MLYCD: variants seen among roughly 807,000 people sequenced by gnomAD.
The protein encoded by MLYCD is malonyl-CoA decarboxylase.
MLYCD carries 27 observed loss-of-function variants against 35.8 expected under a neutral mutation model. That is an observed-to-expected ratio of 0.75 (90% CI 0.56 to 1.04). The LOEUF is 1.04. MLYCD is among the 50% of genes least tolerant of loss of function. The pLI is 0.00. For synonymous variants in MLYCD, 403 were observed against 302.4 expected, an observed-to-expected ratio of 1.33 and a Z score of -3.45; for missense variants, 917 against 665.1, an observed-to-expected ratio of 1.38 and a Z score of -4.17.
Position 83,919,521 on chromosome 16 carries a change from G to GGCACAGGAGAACACACAGT in MLYCD, c.*4047_*4065dup, listed in dbSNP as rs1003936544. On this transcript the variant is annotated 3_prime_UTR_variant, in exon 5 of 5. Coordinates refer to ENST00000262430, the MANE Select transcript of MLYCD (RefSeq NM_012213.3). ...AACACACAGTGCACAGAACACACAGGGCACAGGAGAACACACAGTGCACAG... is the reference window on the plus strand; with the variant it reads ...AACACACAGTGCACAGAACACACAGGGCACAGGAGAACACACAGTGCACAGGAGAACACACAGTGCACAG... 1 of 136,310 alleles carries GGCACAGGAGAACACACAGT rather than the reference G, an allele frequency of 7.3e-6. No homozygotes were observed. Among genetic ancestry groups the GGCACAGGAGAACACACAGT allele is most frequent in the African/African-American group, 2.8e-5 (1 of 35,344 alleles). 8.4% of individuals were successfully genotyped at this position (136,310 alleles called of 1,614,324 possible).
chr16:83,899,440 ACGGCCAGGTGGCGGAGCAGAGCGC>A lies in MLYCD; in HGVS notation c.301_324del (p.Gln101_Gly108del). 1 of 1,519,054 alleles carries A rather than the reference ACGGCCAGGTGGCGGAGCAGAGCGC, an allele frequency of 6.6e-7. No individual in the cohort carries two copies. Among genetic ancestry groups the A allele is most frequent in the Non-Finnish European group, 8.7e-7 (1 of 1,143,326 alleles). The allele number at this position is 1,519,054 out of a possible 1,614,324, so 94.1% of individuals were successfully genotyped here. A position where few individuals can be genotyped will look rare whatever the true frequency, so the allele number is the denominator to read the frequency against. ...CTGGCGCGGGGCTTCGGCGTGGACC[ACGGCCAGGTGGCGGAGCAGAGCGC>A]CGGCGTGCTCCATCTGCGCCAGCAG... On this transcript the variant is annotated inframe_deletion, in exon 1 of 5. Coordinates refer to ENST00000262430, the MANE Select transcript of MLYCD (RefSeq NM_012213.3).
Position 83,915,308 on chromosome 16 carries a change from A to G in MLYCD, c.1301A>G (p.Asn434Ser), listed in dbSNP as rs778367364. Reference sequence around the variant, plus strand: ...AACGGGGCGGTGCTGTGGCGCATCAACTGGATGGCGGATGTGAGCCTCAGA... The same window carrying G: ...AACGGGGCGGTGCTGTGGCGCATCAGCTGGATGGCGGATGTGAGCCTCAGA... The part of the protein sequence containing the change: ...LQNGAVLWRI[N>S]WMADVSLRGI... The change falls in exon 5 of 5, where the codon AAC becomes AGC. Residue 434 changes from asparagine to serine, a missense_variant. Coordinates refer to ENST00000262430, the MANE Select transcript of MLYCD (RefSeq NM_012213.3). The G allele has an allele frequency of 1.9e-6, 3 of 1,613,898 alleles. No homozygotes were observed. Among genetic ancestry groups the G allele is most frequent in the Non-Finnish European group, 2.5e-6 (3 of 1,179,892 alleles).
chr16:83,914,299 T>C (rs1907292571), intron 4 of MLYCD: 1 of 165,184 alleles, frequency 6.1e-6, no homozygotes, highest in Non-Finnish European at 1.3e-5. Context: ...CTCTACCCCG[T>C]TCTGCACCCG....
chr16:83,899,581 A>G lies in MLYCD; in HGVS notation c.437A>G (p.Lys146Arg), dbSNP rs775656982. 7.5e-6 allele frequency: 12 copies of G among 1,592,284 alleles called. No individual in the cohort carries two copies. Among genetic ancestry groups the G allele is most frequent in the Non-Finnish European group, 1.0e-5 (12 of 1,177,276 alleles). Reference protein sequence around the residue: ...RYRGLFHHISKLDGGVRFLVQ... With the variant: ...RYRGLFHHISRLDGGVRFLVQ... ...CGCGGCCTCTTCCACCACATCAGCAAGCTGGACGGCGGCGTGCGCTTCCTG... is the reference window on the plus strand; with the variant it reads ...CGCGGCCTCTTCCACCACATCAGCAGGCTGGACGGCGGCGTGCGCTTCCTG... Residue 146 changes from lysine (K) to arginine (R), a missense_variant, in exon 1 of 5, where the codon AAG (lysine) becomes AGG (arginine). Transcript: ENST00000262430.
rs1320833232 is a variant in MLYCD at position 83,918,561 on chromosome 16, C to CA, written c.*3073dup. 2.4e-5 allele frequency: 3 copies of CA among 124,176 alleles called. No individual in the cohort carries two copies. In the East Asian group the frequency reaches 8.3e-4, roughly 34 times the overall value. 7.7% of individuals were successfully genotyped at this position (124,176 alleles called of 1,614,324 possible). ...CATGGTGCACAGGAGAACACGCACA[C>CA]ACGGTGCACAGAACACACACAGTGC... On this transcript the variant is annotated 3_prime_UTR_variant, in exon 5 of 5. Transcript: ENST00000262430.
intron 1 of MLYCD, among the ~76,000 whole-genome samples, chr16:83,906,308 A>G (rs1323675533): frequency 6.6e-6 from 1 of 152,076 alleles, no homozygotes; most frequent in Non-Finnish European, 1.5e-5. Context: ...GGAGGACCAC[A>G]TGAGCCCAGG....
chr16:83,912,078 C>T (rs931698260), intron 3 of MLYCD, 140 bp from the exon 4 acceptor site: 1 of 1,259,922 alleles, frequency 7.9e-7, no homozygotes, highest in African/African-American at 1.5e-5. Flanking sequence ...GCTCTGTAGC[C>T]TGAACCCCAG....
At position 83,915,547 on chromosome 16, in the gene MLYCD, G is replaced by T; in HGVS notation, c.*58G>T. The T allele has an allele frequency of 1.3e-6, 2 of 1,589,810 alleles. No individual in the cohort carries two copies. Among genetic ancestry groups the T allele is most frequent in the Admixed American group, 3.4e-5 (2 of 58,316 alleles). ...CTAAGAAAACGATCATTTTCAGGAG[G>T]GGCCGGGAGTTATGTATCTGAAGCA... On this transcript the variant is annotated 3_prime_UTR_variant, in exon 5 of 5. Coordinates refer to ENST00000262430, the MANE Select transcript of MLYCD (RefSeq NM_012213.3).
chr16:83,914,072 C>A (rs188178117), intron 4 of MLYCD: 1 of 152,148 alleles, frequency 6.6e-6, no homozygotes, highest in African/African-American at 2.4e-5. Flanking sequence ...AGCAGACTGT[C>A]GAGAGTGGTT....
In MLYCD at chr16:83,916,033, T is replaced by C; in HGVS notation, c.*544T>C. On this transcript the variant is annotated 3_prime_UTR_variant, in exon 5 of 5. Coordinates refer to ENST00000262430, the MANE Select transcript of MLYCD (RefSeq NM_012213.3). Reference sequence around the variant, plus strand: ...AAATGTATGAGAAGGTTTGTGATTTTGCACAAGGTGTGTGTAGTAAGTTAA... The same window carrying C: ...AAATGTATGAGAAGGTTTGTGATTTCGCACAAGGTGTGTGTAGTAAGTTAA... 4 of 1,006,040 alleles carry C rather than the reference T, an allele frequency of 4.0e-6. No homozygotes were observed. Among genetic ancestry groups the C allele is most frequent in the Non-Finnish European group, 4.8e-6 (4 of 840,562 alleles). 62.3% of individuals were successfully genotyped at this position (1,006,040 alleles called of 1,614,324 possible).
At chr16:83,912,047 T>C in intron 3 of MLYCD, 171 bp from the exon 4 acceptor site, 1 of 930,362 alleles carries the variant, frequency 1.1e-6, no homozygotes, top group East Asian at 2.4e-5. Context: ...CAGAGAGTTT[T>C]CAAAACAGAG....
chr16:83,903,788 C>G (rs1284491462), intron 1 of MLYCD, among the ~76,000 whole-genome samples: 1 of 152,200 alleles, frequency 6.6e-6, no homozygotes, highest in African/African-American at 2.4e-5. Context: ...AAGAAACACT[C>G]CAGCAGAATC....
At chr16:83,912,394 C>G (rs759106968) in intron 4 of MLYCD, 27 bp downstream of exon 4, 6 of 1,613,778 alleles carry the variant, frequency 3.7e-6, no homozygotes, top group Non-Finnish European at 5.1e-6. Flanking sequence ...GAGCCCCGGT[C>G]ACGCTTGGCT....
rs1906999640 is a variant in MLYCD at position 83,906,974 on chromosome 16, T to C, written c.529-13T>C. Reference sequence around the variant, plus strand: ...GCACATTGGAGGCCTGGGATTTATCTTCTCCTTTTCAGGAAATGAATGGGG... The same window carrying C: ...GCACATTGGAGGCCTGGGATTTATCCTCTCCTTTTCAGGAAATGAATGGGG... On this transcript the variant is annotated splice_polypyrimidine_tract_variant and intron_variant, in intron 1 of 4. Coordinates refer to ENST00000262430, the MANE Select transcript of MLYCD (RefSeq NM_012213.3). 6.2e-7 allele frequency: 1 copy of C among 1,610,826 alleles called. No homozygotes were observed. Among genetic ancestry groups the C allele is most frequent in the African/African-American group, 1.3e-5 (1 of 74,856 alleles).
intron 3 of MLYCD, among the ~76,000 whole-genome samples, chr16:83,910,713 G>A (rs1907145325): frequency 6.6e-6 from 1 of 151,504 alleles, no homozygotes; most frequent in African/African-American, 2.4e-5. Flanking sequence ...AAAAAGAAAG[G>A]AGATAAGCCT....
At chr16:83,905,399 G>C (rs1277112448) in intron 1 of MLYCD, among the ~76,000 whole-genome samples, 1 of 152,116 alleles carries the variant, frequency 6.6e-6, no homozygotes, top group Non-Finnish European at 1.5e-5. Context: ...TAGTTTATGA[G>C]TAACAAAGAC....
At chr16:83,902,900 G>C (rs1427464638) in intron 1 of MLYCD, among the ~76,000 whole-genome samples, 1 of 152,164 alleles carries the variant, frequency 6.6e-6, no homozygotes, top group African/African-American at 2.4e-5. Context: ...ATGTAGAGGA[G>C]TTTGGAGGTA....
At position 83,925,874 on chromosome 16, in the gene MLYCD, T is replaced by G. The variant is rs1376942308; in HGVS notation, c.*10385T>G. On this transcript the variant is annotated 3_prime_UTR_variant, in exon 5 of 5. Coordinates refer to ENST00000262430, the MANE Select transcript of MLYCD (RefSeq NM_012213.3). ...GACTAGGTCACAGTCCCCCTTTATTTGCCGTCTTCTCACTGGGGCCTCTCC... is the reference window on the plus strand; with the variant it reads ...GACTAGGTCACAGTCCCCCTTTATTGGCCGTCTTCTCACTGGGGCCTCTCC... 3 of 152,518 alleles carry G rather than the reference T, an allele frequency of 2.0e-5. No homozygotes were observed. Among genetic ancestry groups the G allele is most frequent in the Non-Finnish European group, 2.9e-5 (2 of 68,240 alleles). 9.4% of individuals were successfully genotyped at this position (152,518 alleles called of 1,614,324 possible).
Position 83,908,267 on chromosome 16 carries a change from C to T in MLYCD, c.783C>T (p.Ile261=). 4 of 1,614,174 alleles carry T rather than the reference C, an allele frequency of 2.5e-6. No individual in the cohort carries two copies. The highest frequency in any genetic ancestry group is 2.5e-6 in the Non-Finnish European group (3 of 1,180,030). Residue 261 remains isoleucine (I), a synonymous_variant, in exon 3 of 5, where the codon ATC becomes ATT. Transcript: ENST00000262430. Reference sequence around the variant, plus strand: ...TGCACGTGGCACTGACTGGTGACATCTCCAGCAACATCCAGGTACCTGCGA... The same window carrying T: ...TGCACGTGGCACTGACTGGTGACATTTCCAGCAACATCCAGGTACCTGCGA... ...VVLHVALTGD[I]SSNIQAIVKE...
Sources: gnomAD v4.1 joint callset for allele counts (sites outside exome capture counted in the v4.1 genomes callset) on GRCh38, gnomAD v4.1.1 for gene constraint, MANE v1.5 for transcripts, NCBI Gene and HGNC (gene_info 2026-07-23, HGNC 2026-07-21) for gene names.